Variants in C9orf50 observed in about 807,000 individuals in gnomAD.
C9orf50 encodes uncharacterized protein C9orf50.
A neutral mutation model predicts 42.5 loss-of-function variants in C9orf50; 33 were observed. That is an observed-to-expected ratio of 0.78 (90% CI 0.59 to 1.04). C9orf50 has a LOEUF of 1.04. C9orf50 is among the 50% of genes least tolerant of loss of function. C9orf50 has a pLI of 0.00. For missense variants in C9orf50, 547 were observed against 594.3 expected, an observed-to-expected ratio of 0.92 and a Z score of 0.83; for synonymous variants, 257 against 273.4, an observed-to-expected ratio of 0.94 and a Z score of 0.59.
At chr9:129,618,788 G>A (rs1051744303) in intron 3 of C9orf50, among the ~76,000 whole-genome samples, 2 of 151,882 alleles carry the variant, frequency 1.3e-5, no homozygotes, top group Non-Finnish European at 2.9e-5. Context: ...CGCCTCCCGG[G>A]TTCACACCAT....
Position 129,613,325 on chromosome 9 carries a change from A to G in C9orf50, c.1044-74T>C. ...CCACCCATGGCTGGCAGGGCCCTTG[A>G]GGACCCACACTGGCAACCCGCCTGC... is the stretch of plus-strand genomic sequence containing the variant. On this transcript the variant is annotated intron_variant, in intron 5 of 6. Transcript: ENST00000372478. The surrounding 1 kb of genome is among the most constrained non-coding windows in gnomAD (Gnocchi z 6.2). 6.4e-7 allele frequency: 1 copy of G among 1,565,542 alleles called. No homozygotes were observed. Among genetic ancestry groups the G allele is most frequent in the Non-Finnish European group, 8.7e-7 (1 of 1,154,710 alleles).
chr9:129,618,786 G>A (rs371014189), intron 3 of C9orf50, among the ~76,000 whole-genome samples: 8 of 151,890 alleles, frequency 5.3e-5, no homozygotes, highest in East Asian at 1.9e-4. Context: ...TCCGCCTCCC[G>A]GGTTCACACC....
chr9:129,616,513 C>T (rs893596963), intron 3 of C9orf50, among the ~76,000 whole-genome samples: 1 of 152,042 alleles, frequency 6.6e-6, no homozygotes, highest in East Asian at 1.9e-4. Context: ...ACCGCCCGCC[C>T]GCCTGCCTGA....
intron 3 of C9orf50, among the ~76,000 whole-genome samples, chr9:129,616,812 C>T (rs1253117028): frequency 3.9e-5 from 6 of 152,200 alleles, no homozygotes; most frequent in Non-Finnish European, 8.8e-5. Flanking sequence ...GGTGTGGTGG[C>T]TCACGCCTGT....
In C9orf50 at chr9:129,614,377, G is replaced by T. The variant is rs1830245440; in HGVS notation, c.881-780C>A. Among the ~76,000 whole-genome samples, 1 of 152,170 alleles carries T rather than the reference G, an allele frequency of 6.6e-6. No individual in the cohort carries two copies. The highest frequency in any genetic ancestry group is 2.4e-5 in the African/African-American group (1 of 41,430). ...TCAGATCCCTCCCAAATCAGCGAAGGTCCTAGGTTTGCAGGGCATCGCCCA... is the reference window on the plus strand; with the variant it reads ...TCAGATCCCTCCCAAATCAGCGAAGTTCCTAGGTTTGCAGGGCATCGCCCA... On this transcript the variant is annotated intron_variant, in intron 4 of 6. Transcript: ENST00000372478. This position sits in a 1 kb window ranked among gnomAD's most constrained non-coding sequence, Gnocchi z 4.4.
rs1279194798 is a variant in C9orf50 at position 129,613,434 on chromosome 9, C to T, written c.1043+1G>A. The T allele has an allele frequency of 6.2e-7, 1 of 1,613,514 alleles. No individual in the cohort carries two copies. The highest frequency in any genetic ancestry group is 8.5e-7 in the Non-Finnish European group (1 of 1,179,762). On this transcript the variant is annotated splice_donor_variant, in intron 5 of 6. Coordinates refer to ENST00000372478, the Ensembl canonical transcript of C9orf50. LOFTEE classifies it high-confidence loss of function. The surrounding 1 kb of genome is among the most constrained non-coding windows in gnomAD (Gnocchi z 6.2). Reference sequence around the variant, plus strand: ...TCCCATCCGCTTCCCTGGAGCCTCACAGGCCAGCGCAGTCCCAACACGAGG... The same window carrying T: ...TCCCATCCGCTTCCCTGGAGCCTCATAGGCCAGCGCAGTCCCAACACGAGG...
chr9:129,614,577 T>C lies in C9orf50; in HGVS notation c.880+907A>G, dbSNP rs939473492. The stretch of plus-strand genomic sequence containing the variant: ...TTATACCAGAGTAAGAACAGGGACT[T>C]CTCGCCTGCTTCTCGAGACACACTT... On this transcript the variant is annotated intron_variant, in intron 4 of 6. Transcript: ENST00000372478. This position sits in a 1 kb window ranked among gnomAD's most constrained non-coding sequence, Gnocchi z 4.4. Among the ~76,000 whole-genome samples, 1 of 152,186 alleles carries C rather than the reference T, an allele frequency of 6.6e-6. No individual in the cohort carries two copies. Among genetic ancestry groups the C allele is most frequent in the Non-Finnish European group, 1.5e-5 (1 of 68,040 alleles).
rs774860449 is a variant in C9orf50 at position 129,620,494 on chromosome 9, G to A, written c.81C>T (p.Ser27=). The A allele has an allele frequency of 4.9e-5, 69 of 1,414,466 alleles. No individual in the cohort carries two copies. In the East Asian group the frequency reaches 2.0e-3, roughly 40 times the overall value. The allele number at this position is 1,414,466 out of a possible 1,614,324, so 87.6% of individuals were successfully genotyped here. A position where few individuals can be genotyped will look rare whatever the true frequency, so the allele number is the denominator to read the frequency against. ...TCAGCTTGGGCAGCCGCGGGTCGCT[G>A]CTGCGTCGGAAGTCTCCGTCGCCAG... The change falls in exon 1 of 7, where the codon AGC becomes AGT. Residue 27 remains serine, a synonymous_variant. Coordinates refer to ENST00000372478, the Ensembl canonical transcript of C9orf50. The surrounding 1 kb of genome is among the most constrained non-coding windows in gnomAD (Gnocchi z 5.8).
Position 129,620,479 on chromosome 9 carries a change from C to T in C9orf50, c.96G>A (p.Leu32=). The T allele has an allele frequency of 2.9e-6, 4 of 1,379,736 alleles. No homozygotes were observed. Among genetic ancestry groups the T allele is most frequent in the Non-Finnish European group, 2.8e-6 (3 of 1,061,638 alleles). The allele number at this position is 1,379,736 out of a possible 1,614,324, so 85.5% of individuals were successfully genotyped here. The change falls in exon 1 of 7, where the codon CTG becomes CTA. Residue 32 remains leucine (L), a synonymous_variant. Coordinates refer to ENST00000372478, the Ensembl canonical transcript of C9orf50. This position sits in a 1 kb window ranked among gnomAD's most constrained non-coding sequence, Gnocchi z 5.8. ...GGAGCGCGGGCGGGGTCAGCTTGGG[C>T]AGCCGCGGGTCGCTGCTGCGTCGGA...
Position 129,620,056 on chromosome 9 carries a change from C to A in C9orf50, c.508+11G>T. ...ACTCGGGCCCGCCCCCCGGGCCCCG[C>A]GGGGCCTCACTCAGTGGCTCCGGCT... On this transcript the variant is annotated intron_variant, in intron 1 of 6. Transcript: ENST00000372478. This position sits in a 1 kb window ranked among gnomAD's most constrained non-coding sequence, Gnocchi z 5.8. 6.9e-7 allele frequency: 1 copy of A among 1,453,956 alleles called. No homozygotes were observed. The highest frequency in any genetic ancestry group is 9.1e-7 in the Non-Finnish European group (1 of 1,101,568). The allele number at this position is 1,453,956 out of a possible 1,614,324, so 90.1% of individuals were successfully genotyped here.
chr9:129,612,880 T>C (rs771661648), intron 6 of C9orf50, among the ~76,000 whole-genome samples: 4 of 151,960 alleles, frequency 2.6e-5, no homozygotes, highest in Non-Finnish European at 5.9e-5. Flanking sequence ...AGAAAGGAAC[T>C]GTGATCGGAA....
In C9orf50 at chr9:129,613,714, C is replaced by A; in HGVS notation, c.881-117G>T. 2 of 1,290,830 alleles carry A rather than the reference C, an allele frequency of 1.5e-6. No individual in the cohort carries two copies. Among genetic ancestry groups the A allele is most frequent in the Non-Finnish European group, 2.1e-6 (2 of 935,422 alleles). 80.0% of individuals were successfully genotyped at this position (1,290,830 alleles called of 1,614,324 possible). ...TCAGAGCCCTGTCTCCATGGCAACC[C>A]CAGGCTCCCCAGCGCCTTCTGGCTG... On this transcript the variant is annotated intron_variant, in intron 4 of 6. Coordinates refer to ENST00000372478, the Ensembl canonical transcript of C9orf50. The surrounding 1 kb of genome is among the most constrained non-coding windows in gnomAD (Gnocchi z 6.2).
chr9:129,615,791 C>T (rs1177173532), intron 3 of C9orf50, 144 bp from the exon 4 acceptor site: 9 of 954,868 alleles, frequency 9.4e-6, no homozygotes, highest in Non-Finnish European at 5.7e-6. Flanking sequence ...CAGCAGCCGG[C>T]CTTAACGGAG....
Position 129,613,082 on chromosome 9 carries a change from T to C in C9orf50, c.1188+25A>G. 2 of 1,613,120 alleles carry C rather than the reference T, an allele frequency of 1.2e-6. No homozygotes were observed. The highest frequency in any genetic ancestry group is 1.7e-6 in the Non-Finnish European group (2 of 1,179,932). On this transcript the variant is annotated intron_variant, in intron 6 of 6. Transcript: ENST00000372478. The surrounding 1 kb of genome is among the most constrained non-coding windows in gnomAD (Gnocchi z 6.2). ...CAGCAGGGGCTCACCAGCTTCTAGGTCCAGGAGCAAGACCATTTGCCCACC... is the reference window on the plus strand; with the variant it reads ...CAGCAGGGGCTCACCAGCTTCTAGGCCCAGGAGCAAGACCATTTGCCCACC...
chr9:129,615,890 C>T (rs1343783789), intron 3 of C9orf50, among the ~76,000 whole-genome samples: 1 of 152,246 alleles, frequency 6.6e-6, no homozygotes, highest in Non-Finnish European at 1.5e-5. Context: ...TTATCATTCT[C>T]ATTTTATAGT....
intron 4 of C9orf50, among the ~76,000 whole-genome samples, chr9:129,615,022 G>T (rs1009773415): frequency 1.3e-5 from 2 of 152,264 alleles, no homozygotes; most frequent in Non-Finnish European, 2.9e-5. Flanking sequence ...CTCCAGGAGA[G>T]AGAAAGTTTC....
chr9:129,618,118 G>T (rs1830483535), intron 3 of C9orf50, among the ~76,000 whole-genome samples: 1 of 152,182 alleles, frequency 6.6e-6, no homozygotes, highest in African/African-American at 2.4e-5. Flanking sequence ...AGATGAGGAA[G>T]AATGATATGT....
chr9:129,612,696 A>G (rs1180010649), intron 6 of C9orf50, among the ~76,000 whole-genome samples: 1 of 152,204 alleles, frequency 6.6e-6, no homozygotes, highest in Non-Finnish European at 1.5e-5. Flanking sequence ...TGGCCAGCAT[A>G]GTGAAACCCT....
Position 129,614,858 on chromosome 9 carries a change from C to T in C9orf50, c.880+626G>A, listed in dbSNP as rs1220700. Reference sequence around the variant, plus strand: ...TGGAGCTTGCAGCGAGCCGAGATCGCGCCACTGCACTCCAGCCTGGGCGAC... The same window carrying T: ...TGGAGCTTGCAGCGAGCCGAGATCGTGCCACTGCACTCCAGCCTGGGCGAC... On this transcript the variant is annotated intron_variant, in intron 4 of 6. Coordinates refer to ENST00000372478, the Ensembl canonical transcript of C9orf50. This position sits in a 1 kb window ranked among gnomAD's most constrained non-coding sequence, Gnocchi z 4.4. Among the ~76,000 whole-genome samples, 7,566 of 151,942 alleles carry T rather than the reference C, an allele frequency of 0.05. 290 individuals carry two copies. Among genetic ancestry groups the T allele is most frequent in the African/African-American group, 0.11 (4,498 of 41,360 alleles).
Sources: allele counts gnomAD v4.1 joint callset (sites outside exome capture counted in the v4.1 genomes callset), GRCh38; gene constraint gnomAD v4.1.1; non-coding constraint Gnocchi (gnomAD v3.1); transcripts MANE v1.5; gene names NCBI Gene and HGNC (gene_info 2026-07-23, HGNC 2026-07-21).